FBN1: variants seen among roughly 807,000 people sequenced by gnomAD.
The protein encoded by FBN1 is fibrillin-1.
In FBN1, 29 loss-of-function variants were observed where a neutral mutation model predicts 365.1. That is an observed-to-expected ratio of 0.08 (90% CI 0.06 to 0.11). The LOEUF is 0.11. Among genes scored for constraint, FBN1 ranks in the 10% least tolerant of loss-of-function variants. FBN1 has a pLI of 1.00. For synonymous variants in FBN1, 1,210 were observed against 1,270.5 expected (o/e 0.95, Z 1.01); for missense variants, 2,476 against 3,703.2 (o/e 0.67, Z 8.60).
At position 48,505,145 on chromosome 15, in the gene FBN1, T is replaced by C; in HGVS notation, c.1840A>G (p.Ile614Val). 3 of 1,614,190 alleles carry C rather than the reference T, an allele frequency of 1.9e-6. No individual in the cohort carries two copies. The highest frequency in any genetic ancestry group is 2.5e-6 in the Non-Finnish European group (3 of 1,180,006). The part of the protein sequence containing the change: ...LASDGRYCKD[I>V]NECETPGICM... ...ATCCCAGGGGTTTCACACTCGTTAATGTCTGTGGCAGAGAAAGGCACTTAT... is the reference window on the plus strand; with the variant it reads ...ATCCCAGGGGTTTCACACTCGTTAACGTCTGTGGCAGAGAAAGGCACTTAT... The change falls in exon 16 of 66, where the codon ATT becomes GTT. Residue 614 changes from isoleucine (I) to valine (V), a missense_variant and splice_region_variant. Transcript: ENST00000316623.
intron 2 of FBN1, among the ~76,000 whole-genome samples, chr15:48,626,815 G>A (rs933878851): frequency 2.6e-5 from 4 of 151,892 alleles, no homozygotes; most frequent in African/African-American, 7.3e-5. Context: ...AAATTTAAGG[G>A]AATTTAACCA....
intron 9 of FBN1, among the ~76,000 whole-genome samples, chr15:48,523,716 G>GT (rs1036810430): frequency 4.2e-5 from 6 of 144,276 alleles, no homozygotes; most frequent in African/African-American, 1.5e-4. Flanking sequence ...TGGCTGGGGG[G>GT]GGGGGGGAAC....
chr15:48,478,847 A>G (rs2043445373), intron 32 of FBN1, among the ~76,000 whole-genome samples: 1 of 152,188 alleles, frequency 6.6e-6, no homozygotes, highest in African/African-American at 2.4e-5. Flanking sequence ...TGGGGGAAAA[A>G]ACATGTTTAT....
chr15:48,423,764 T>A lies in FBN1; in HGVS notation c.7453+1605A>T, dbSNP rs74875043. On this transcript the variant is annotated intron_variant, in intron 60 of 65. Coordinates refer to ENST00000316623, the MANE Select transcript of FBN1 (RefSeq NM_000138.5). ...CTTCTCAGTGACTGTGGTGCAACTATCTGCACTATTCATTTGATATTTAGT... is the reference window on the plus strand; with the variant it reads ...CTTCTCAGTGACTGTGGTGCAACTAACTGCACTATTCATTTGATATTTAGT... 5.3e-3 allele frequency among the ~76,000 whole-genome samples: 811 copies of A among 152,264 alleles called. 5 individuals are homozygous for A. The highest frequency in any genetic ancestry group is 0.019 in the African/African-American group (781 of 41,532).
chr15:48,583,439 C>G (rs1003571062), intron 6 of FBN1, among the ~76,000 whole-genome samples: 1 of 152,146 alleles, frequency 6.6e-6, no homozygotes, highest in Non-Finnish European at 1.5e-5. Context: ...AAGCATCCCC[C>G]ACTCCCATCC....
At chr15:48,493,511 T>C (rs1032246798) in intron 23 of FBN1, among the ~76,000 whole-genome samples, 1 of 152,230 alleles carries the variant, frequency 6.6e-6, no homozygotes, top group Non-Finnish European at 1.5e-5. Context: ...CAACAAAATA[T>C]GCTGCTGAGG....
At position 48,644,787 on chromosome 15, in the gene FBN1, G is replaced by C. The variant is rs764030811; in HGVS notation, c.-18C>G. On this transcript the variant is annotated 5_prime_UTR_variant, in exon 2 of 66. Coordinates refer to ENST00000316623, the MANE Select transcript of FBN1 (RefSeq NM_000138.5). ...CGACGCATGATGCCGAGCCGCCACC[G>C]GCTCCCGCCGCCTCTTGCCGCGCCC... The C allele has an allele frequency of 5.0e-6, 8 of 1,599,828 alleles. No individual in the cohort carries two copies. Among genetic ancestry groups the C allele is most frequent in the Non-Finnish European group, 5.9e-6 (7 of 1,177,646 alleles).
intron 2 of FBN1, among the ~76,000 whole-genome samples, chr15:48,625,984 A>G (rs547929109): frequency 6.6e-6 from 1 of 152,216 alleles, no homozygotes; most frequent in Non-Finnish European, 1.5e-5. Context: ...GTTAATGAGA[A>G]GTCTATCAGA....
intron 22 of FBN1, 76 bp from the exon 23 acceptor site, chr15:48,494,330 G>C (rs1315962567): frequency 9.1e-7 from 1 of 1,101,618 alleles, no homozygotes; most frequent in East Asian, 2.4e-5. Flanking sequence ...TTCTGACATA[G>C]TGTAAGAAAC....
At chr15:48,514,595 C>T (rs2043786299) in intron 12 of FBN1, among the ~76,000 whole-genome samples, 1 of 152,152 alleles carries the variant, frequency 6.6e-6, no homozygotes, top group Admixed American at 6.5e-5. Flanking sequence ...CATTTCCTCC[C>T]TTCACCAGCT....
intron 7 of FBN1, among the ~76,000 whole-genome samples, chr15:48,534,671 G>A (rs915210511): frequency 1.3e-5 from 2 of 152,136 alleles, no homozygotes; most frequent in South Asian, 2.1e-4. Context: ...TAGTTAAAAC[G>A]GAATTTATTG....
At chr15:48,611,111 A>G (rs908587692) in intron 3 of FBN1, among the ~76,000 whole-genome samples, 1 of 152,186 alleles carries the variant, frequency 6.6e-6, no homozygotes, top group African/African-American at 2.4e-5. Flanking sequence ...AGGACAGGCT[A>G]TGAAGAGAAA....
Position 48,515,517 on chromosome 15 carries a change from T to C in FBN1, c.1338A>G (p.Pro446=), listed in dbSNP as rs770053029. 2.5e-6 allele frequency: 4 copies of C among 1,614,040 alleles called. No individual in the cohort carries two copies. In the South Asian group the frequency reaches 4.4e-5, roughly 18 times the overall value. ...ACTGGCAGTAATCAGTAACGTTTAC[T>C]GGCAGCACCCCTAGAAGAACATTAA... The part of the protein sequence containing the change: ...YPSREPPRVL[P]VNVTDYCQLV... The change falls in exon 12 of 66, where the codon CCA becomes CCG. Residue 446 remains proline (P), a synonymous_variant. Coordinates refer to ENST00000316623, the MANE Select transcript of FBN1 (RefSeq NM_000138.5).
intron 6 of FBN1, among the ~76,000 whole-genome samples, chr15:48,588,111 A>C (rs1320886832): frequency 6.6e-6 from 1 of 152,230 alleles, no homozygotes; most frequent in African/African-American, 2.4e-5. Context: ...TGTGCTGTCC[A>C]AGATGATAGC....
At chr15:48,627,932 A>G (rs982592225) in intron 2 of FBN1, among the ~76,000 whole-genome samples, 1 of 152,224 alleles carries the variant, frequency 6.6e-6, no homozygotes, top group African/African-American at 2.4e-5. Context: ...AGTGGTGATG[A>G]TGATGTCAAA....
intron 14 of FBN1, among the ~76,000 whole-genome samples, chr15:48,509,450 G>A (rs2043740313): frequency 6.8e-6 from 1 of 146,926 alleles, no homozygotes; most frequent in Non-Finnish European, 1.5e-5. Context: ...ATATATATTA[G>A]ACATATATAA....
chr15:48,433,094 A>G, intron 54 of FBN1, 106 bp from the exon 55 acceptor site: 5 of 1,206,072 alleles, frequency 4.1e-6, no homozygotes, highest in East Asian at 2.4e-5. Flanking sequence ...GCAATGCTTC[A>G]TTGTCATAAA....
At chr15:48,513,827 C>A (rs2043780543) in intron 12 of FBN1, among the ~76,000 whole-genome samples, 159 bp from the exon 13 acceptor site, 1 of 152,092 alleles carries the variant, frequency 6.6e-6, no homozygotes, top group African/African-American at 2.4e-5. Flanking sequence ...ATGTCATTAG[C>A]CATTTGAAGA....
chr15:48,587,630 A>T (rs2044447667), intron 6 of FBN1, among the ~76,000 whole-genome samples: 1 of 152,016 alleles, frequency 6.6e-6, no homozygotes, highest in Admixed American at 6.6e-5. Flanking sequence ...ACTTTCCTTT[A>T]TCTCCTCTGC....
Sources: gnomAD v4.1 joint callset for allele counts (sites outside exome capture counted in the v4.1 genomes callset) on GRCh38, gnomAD v4.1.1 for gene constraint, MANE v1.5 for transcripts, NCBI Gene and HGNC (gene_info 2026-07-23, HGNC 2026-07-21) for gene names.